The following EYA1 variants were observed in gnomAD, a reference collection of about 807,000 sequenced individuals.
EYA1 encodes the protein EYA transcriptional coactivator and phosphatase 1.
Under a neutral mutation model 82.0 loss-of-function variants are expected in EYA1, and 16 were observed. The ratio of observed to expected loss-of-function variants is 0.20; its 90% CI spans 0.13 to 0.30. The LOEUF is 0.30. Ranked by LOEUF, EYA1 falls within the 10% of genes least tolerant of loss-of-function variation. The pLI is 1.00. For synonymous variants in EYA1, 261 were observed against 264.4 expected, an observed-to-expected ratio of 0.99 and a Z score of 0.12; for missense variants, 633 against 730.7, an observed-to-expected ratio of 0.87 and a Z score of 1.54.
chr8:71,305,110 G>A (rs371149442), intron 7 of EYA1, among the ~76,000 whole-genome samples: 1 of 142,914 alleles, frequency 7.0e-6, no homozygotes, highest in East Asian at 2.1e-4. Flanking sequence ...ATTTGCAAGG[G>A]TCTTCACTTA....
chr8:71,295,037 C>CA (rs1419281923), intron 9 of EYA1, among the ~76,000 whole-genome samples: 3 of 151,950 alleles, frequency 2.0e-5, no homozygotes, highest in Non-Finnish European at 4.4e-5. Context: ...CATCCATATG[C>CA]AAAAAAATGA....
chr8:71,263,290 C>A (rs1815365333), intron 11 of EYA1, among the ~76,000 whole-genome samples: 1 of 152,148 alleles, frequency 6.6e-6, no homozygotes, highest in Non-Finnish European at 1.5e-5. Flanking sequence ...ACTGCCCCTG[C>A]CTCCACCCCC....
chr8:71,427,180 T>C (rs1257060028), intron 2 of EYA1, among the ~76,000 whole-genome samples: 1 of 152,206 alleles, frequency 6.6e-6, no homozygotes, highest in Non-Finnish European at 1.5e-5. Flanking sequence ...TTTTTCATGT[T>C]TTTCCCTTCT....
intron 2 of EYA1, among the ~76,000 whole-genome samples, chr8:71,504,793 T>A (rs1481678256): frequency 6.6e-6 from 1 of 151,960 alleles, no homozygotes; most frequent in Non-Finnish European, 1.5e-5. Context: ...CTTTTTGCTG[T>A]TGTTTTGTTT....
chr8:71,347,867 T>A (rs1234149112), intron 3 of EYA1, among the ~76,000 whole-genome samples: 1 of 107,704 alleles, frequency 9.3e-6, no homozygotes, highest in African/African-American at 3.7e-5. Flanking sequence ...TTTGGTGTAA[T>A]GGGATACTGG....
chr8:71,244,740 A>G, intron 11 of EYA1, 48 bp from the exon 12 acceptor site: 1 of 1,121,474 alleles, frequency 8.9e-7, no homozygotes, highest in Non-Finnish European at 1.4e-6. Context: ...TTCAGGTTAC[A>G]TGAAAGAGAG....
intron 17 of EYA1, among the ~76,000 whole-genome samples, chr8:71,201,615 C>T (rs887595333): frequency 8.5e-5 from 13 of 152,162 alleles, no homozygotes; most frequent in Admixed American, 7.2e-4. Context: ...ACACAAAGGT[C>T]ACCACTATAA....
chr8:71,532,943 A>G (rs1335029981), intron 2 of EYA1, among the ~76,000 whole-genome samples: 1 of 152,246 alleles, frequency 6.6e-6, no homozygotes, highest in Non-Finnish European at 1.5e-5. Flanking sequence ...CAACTCATCC[A>G]TAAAAAAGAA....
intron 17 of EYA1, among the ~76,000 whole-genome samples, chr8:71,203,949 A>G (rs60323982): frequency 0.017 from 2,516 of 152,258 alleles, 57 homozygotes; most frequent in African/African-American, 0.058. Flanking sequence ...AGCTGAATTC[A>G]TTTGCTTGTA....
intron 7 of EYA1, among the ~76,000 whole-genome samples, chr8:71,303,048 C>T (rs953250886): frequency 7.0e-6 from 1 of 142,328 alleles, no homozygotes; most frequent in African/African-American, 2.5e-5. Flanking sequence ...TCCAGCCTAA[C>T]CCTAGTAAAC....
Position 71,334,124 on chromosome 8 carries a change from C to T in EYA1, c.175G>A (p.Gly59Arg), listed in dbSNP as rs146216506. 32 of 1,613,484 alleles carry T rather than the reference C, an allele frequency of 2.0e-5. No homozygotes were observed. The highest frequency in any genetic ancestry group is 6.7e-5 in the East Asian group (3 of 44,852). The change falls in exon 4 of 18, where the codon GGG becomes AGG. Residue 59 changes from glycine (G) to arginine (R), a missense_variant. Physicochemically the swap from Gly to Arg is moderately radical, Grantham distance 125. Transcript: ENST00000340726. Reference protein sequence around the residue: ...SSETASTTADGSLNNFSGSAI... With the variant: ...SSETASTTADRSLNNFSGSAI... ...GAACCTGAGAAATTGTTTAAAGACC[C>T]GTCGGCTGTCGTTGAAGCTGTTTCA...
chr8:71,205,822 T>C (rs1807695442), intron 17 of EYA1, among the ~76,000 whole-genome samples: 1 of 152,184 alleles, frequency 6.6e-6, no homozygotes. Flanking sequence ...GACAGATCTC[T>C]ACAAGGGAAA....
chr8:71,451,359 A>T (rs1807359086), intron 2 of EYA1, among the ~76,000 whole-genome samples: 1 of 152,234 alleles, frequency 6.6e-6, no homozygotes, highest in South Asian at 2.1e-4. Context: ...TTATACTGTC[A>T]ATTAAAATTA....
intron 2 of EYA1, among the ~76,000 whole-genome samples, chr8:71,390,944 T>C (rs1829242496): frequency 6.6e-6 from 1 of 152,102 alleles, no homozygotes; most frequent in African/African-American, 2.4e-5. Context: ...TAATATATTG[T>C]ATTTTTCAAT....
intron 9 of EYA1, 42 bp from the exon 10 acceptor site, chr8:71,271,939 A>T (rs190511678): frequency 9.7e-5 from 156 of 1,611,330 alleles, no homozygotes; most frequent in Non-Finnish European, 1.2e-4. Flanking sequence ...TATTTCCATC[A>T]CCATGGTGCC....
intron 4 of EYA1, among the ~76,000 whole-genome samples, chr8:71,324,871 C>T (rs1020763026): frequency 6.9e-6 from 1 of 145,268 alleles, no homozygotes; most frequent in Admixed American, 6.7e-5. Context: ...TCTCAGGATC[C>T]CTGTCCTGGT....
At chr8:71,264,872 C>A (rs1047992348) in intron 11 of EYA1, among the ~76,000 whole-genome samples, 9 of 152,142 alleles carry the variant, frequency 5.9e-5, no homozygotes, top group African/African-American at 1.9e-4. Flanking sequence ...CATAAACCAC[C>A]ATGCTGGGCC....
At chr8:71,253,928 C>T (rs1051400141) in intron 11 of EYA1, among the ~76,000 whole-genome samples, 5 of 152,092 alleles carry the variant, frequency 3.3e-5, no homozygotes, top group African/African-American at 7.2e-5. Context: ...GGTTTAGTTT[C>T]ATCTCAAAAC....
At chr8:71,516,974 T>A (rs892089955) in intron 2 of EYA1, among the ~76,000 whole-genome samples, 5 of 152,134 alleles carry the variant, frequency 3.3e-5, no homozygotes, top group African/African-American at 1.2e-4. Context: ...CTTTCAGTGC[T>A]TAATCAACTT....
Sources: allele counts gnomAD v4.1 joint callset (sites outside exome capture counted in the v4.1 genomes callset), GRCh38; gene constraint gnomAD v4.1.1; transcripts MANE v1.5; gene names NCBI Gene and HGNC (gene_info 2026-07-23, HGNC 2026-07-21).